The following DLEU7 variants were observed in gnomAD, a reference collection of about 807,000 sequenced individuals.
The protein encoded by DLEU7 is leukemia-associated protein 7.
Under a neutral mutation model 16.0 loss-of-function variants are expected in DLEU7, and 17 were observed. The ratio of observed to expected loss-of-function variants is 1.06; its 90% CI spans 0.73 to 1.59. DLEU7 has a LOEUF of 1.59. DLEU7 is among the 40% of genes most tolerant of loss of function. DLEU7 has a pLI of 0.00. For missense variants in DLEU7, 308 were observed against 314.9 expected, an observed-to-expected ratio of 0.98 and a Z score of 0.17; for synonymous variants, 113 against 139.8, an observed-to-expected ratio of 0.81 and a Z score of 1.35.
chr13:50,799,665 T>C (rs868432055), intron 1 of DLEU7, among the ~76,000 whole-genome samples: 2 of 152,188 alleles, frequency 1.3e-5, no homozygotes, highest in Non-Finnish European at 2.9e-5. Flanking sequence ...TGCCTTAAAA[T>C]GGACTCTACA....
At chr13:50,811,859 A>G (rs1480518079) in intron 1 of DLEU7, among the ~76,000 whole-genome samples, 1 of 152,120 alleles carries the variant, frequency 6.6e-6, no homozygotes, top group Non-Finnish European at 1.5e-5. Context: ...ACTTGAGGTC[A>G]GGAGTTAGAG....
chr13:50,821,630 G>A (rs564905192), downstream of DLEU7, among the ~76,000 whole-genome samples: 9 of 152,008 alleles, frequency 5.9e-5, no homozygotes, highest in Non-Finnish European at 1.2e-4. Context: ...CTTGAAGGAT[G>A]AATAGGATTT....
chr13:50,837,756 GATTATT>G lies in DLEU7; in HGVS notation c.459+5426_459+5431del, dbSNP rs148030284. Among the ~76,000 whole-genome samples the G allele has an allele frequency of 3.8e-3, 585 of 152,234 alleles. 5 individuals are homozygous for G. Among genetic ancestry groups the G allele is most frequent in the African/African-American group, 0.013 (546 of 41,554 alleles). ...TTTTTCGCCAATAGGAAAAAGATTT[GATTATT>G]ATTATTACCGTTAAAAGGCTGATGC... On this transcript the variant is annotated intron_variant, in intron 1 of 1. Coordinates refer to ENST00000504404, the MANE Select transcript of DLEU7 (RefSeq NM_001306135.2).
Position 50,823,303 on chromosome 13 carries a change from G to A in DLEU7, c.*11C>T. ...TGCTGGCTGTGGTTTTACTCCCGATGCCTTTAACACTCATATGTCTGGGAG... is the reference window on the plus strand; with the variant it reads ...TGCTGGCTGTGGTTTTACTCCCGATACCTTTAACACTCATATGTCTGGGAG... On this transcript the variant is annotated 3_prime_UTR_variant, in exon 2 of 2. Coordinates refer to ENST00000504404, the MANE Select transcript of DLEU7 (RefSeq NM_001306135.2). 1 of 1,534,466 alleles carries A rather than the reference G, an allele frequency of 6.5e-7. No individual in the cohort carries two copies. Among genetic ancestry groups the A allele is most frequent in the Non-Finnish European group, 8.7e-7 (1 of 1,145,542 alleles).
chr13:50,764,185 A>G (rs891217374), intron 1 of DLEU7, among the ~76,000 whole-genome samples: 2 of 152,196 alleles, frequency 1.3e-5, no homozygotes, highest in Non-Finnish European at 2.9e-5. Flanking sequence ...CATCTATAAT[A>G]TAAGAATTCC....
intron 1 of DLEU7, among the ~76,000 whole-genome samples, chr13:50,827,017 A>G (rs1877106596): frequency 6.6e-6 from 1 of 152,236 alleles, no homozygotes; most frequent in African/African-American, 2.4e-5. Context: ...CATAATTCTG[A>G]GAGGAAATTC....
intron 1 of DLEU7, among the ~76,000 whole-genome samples, chr13:50,743,834 A>G (rs1874318515): frequency 6.6e-6 from 1 of 152,204 alleles, no homozygotes; most frequent in Non-Finnish European, 1.5e-5. Flanking sequence ...GGTTACAAAA[A>G]TCAATAAAGT....
At chr13:50,763,873 G>A (rs1875019562) in intron 1 of DLEU7, among the ~76,000 whole-genome samples, 1 of 152,210 alleles carries the variant, frequency 6.6e-6, no homozygotes, top group Non-Finnish European at 1.5e-5. Flanking sequence ...GTATTTCCCA[G>A]GATTGCTGTG....
At chr13:50,788,414 C>T (rs992595564) in intron 1 of DLEU7, among the ~76,000 whole-genome samples, 3 of 152,114 alleles carry the variant, frequency 2.0e-5, no homozygotes, top group African/African-American at 7.2e-5. Context: ...AAAACACTGA[C>T]GAATAATACC....
chr13:50,804,262 C>G (rs1192471592), intron 1 of DLEU7, among the ~76,000 whole-genome samples: 1 of 151,440 alleles, frequency 6.6e-6, no homozygotes, highest in South Asian at 2.1e-4. Context: ...TATTGATATT[C>G]TTATAGGACC....
At chr13:50,715,611 A>G (rs1294031617) in intron 1 of DLEU7, 1 of 152,446 alleles carries the variant, frequency 6.6e-6, no homozygotes, top group African/African-American at 2.4e-5. Context: ...GGAGGAACCA[A>G]CAGGAGACAC....
At chr13:50,780,299 T>C (rs1875617200) in intron 1 of DLEU7, among the ~76,000 whole-genome samples, 2 of 152,212 alleles carry the variant, frequency 1.3e-5, no homozygotes, top group African/African-American at 4.8e-5. Flanking sequence ...TACTGCTCTG[T>C]GCGTTGTAGC....
chr13:50,787,056 A>T (rs1875809211), intron 1 of DLEU7, among the ~76,000 whole-genome samples: 1 of 152,226 alleles, frequency 6.6e-6, no homozygotes, highest in Non-Finnish European at 1.5e-5. Flanking sequence ...CTCCTATGAT[A>T]TTGAAAGAAC....
At chr13:50,803,812 T>C (rs1012256636) in intron 1 of DLEU7, among the ~76,000 whole-genome samples, 6 of 152,178 alleles carry the variant, frequency 3.9e-5, no homozygotes, top group Non-Finnish European at 7.4e-5. Flanking sequence ...ACAGTGCTAG[T>C]CTACTATGTG....
chr13:50,724,697 C>A (rs1195945449), intron 1 of DLEU7, among the ~76,000 whole-genome samples: 1 of 152,094 alleles, frequency 6.6e-6, no homozygotes, highest in Non-Finnish European at 1.5e-5. Flanking sequence ...TAACAAATGC[C>A]CTCCAAATCC....
At chr13:50,768,501 T>C (rs1031607000) in intron 1 of DLEU7, among the ~76,000 whole-genome samples, 3 of 148,776 alleles carry the variant, frequency 2.0e-5, no homozygotes, top group African/African-American at 7.4e-5. Flanking sequence ...GTTCTCATTG[T>C]TCAATTCCCA....
intron 1 of DLEU7, among the ~76,000 whole-genome samples, chr13:50,739,405 G>A (rs2137723851): frequency 6.6e-6 from 1 of 152,278 alleles, no homozygotes; most frequent in East Asian, 1.9e-4. Context: ...TCATGGCCTA[G>A]TAGGTGAATC....
intron 1 of DLEU7, among the ~76,000 whole-genome samples, chr13:50,738,337 C>G (rs1440581274): frequency 6.6e-6 from 1 of 152,164 alleles, no homozygotes. Context: ...GCCATTGTTT[C>G]AAACCTAGAC....
At chr13:50,821,809 T>A (rs1014557192), downstream of DLEU7, among the ~76,000 whole-genome samples, 1 of 151,966 alleles carries the variant, frequency 6.6e-6, no homozygotes, top group Admixed American at 6.6e-5. Flanking sequence ...TAAATAATGA[T>A]GGGTCTTGAA....
Sources: gnomAD v4.1 joint callset for allele counts (sites outside exome capture counted in the v4.1 genomes callset) on GRCh38, gnomAD v4.1.1 for gene constraint, MANE v1.5 for transcripts, NCBI Gene and HGNC (gene_info 2026-07-23, HGNC 2026-07-21) for gene names.